Variants in HCN1 observed in about 807,000 individuals in gnomAD.
HCN1 encodes hyperpolarization activated cyclic nucleotide gated potassium channel 1, also known as potassium/sodium hyperpolarization-activated cyclic nucleotide-gated channel 1.
Under a neutral mutation model 78.9 loss-of-function variants are expected in HCN1, and 13 were observed. The observed-to-expected ratio is 0.16, with a 90% CI of 0.11 to 0.26. The LOEUF (loss-of-function observed/expected upper bound fraction) is 0.26. HCN1 is among the 10% of genes least tolerant of loss of function. The probability of loss-of-function intolerance (pLI) is 1.00; values close to 1 mark genes in which losing one functional copy is unlikely to be tolerated. For missense variants in HCN1, 810 were observed against 1,154.3 expected (o/e 0.70, Z 4.32); for synonymous variants, 552 against 455.5 (o/e 1.21, Z -2.70).
intron 2 of HCN1, among the ~76,000 whole-genome samples, chr5:45,463,399 A>AT (rs1241304250): frequency 1.1e-4 from 16 of 151,896 alleles, no homozygotes; most frequent in African/African-American, 3.1e-4. Context: ...GAGCAAAAAG[A>AT]TTTTTTTCGT....
chr5:45,355,229 T>C lies in HCN1; in HGVS notation c.1231-1983A>G, dbSNP rs76063574. ...TTTCTTATCATTTATTCATATTGTT[T>C]GAAGTTTGAATCTATATTACTATTT... is the stretch of plus-strand genomic sequence containing the variant. On this transcript the variant is annotated intron_variant, in intron 4 of 7. Coordinates refer to ENST00000303230, the MANE Select transcript of HCN1 (RefSeq NM_021072.4). 6.6e-4 allele frequency among the ~76,000 whole-genome samples: 101 copies of C among 152,190 alleles called. 1 individual carries two copies. In the East Asian group the frequency reaches 0.018, roughly 27 times the overall value.
At chr5:45,372,215 T>C (rs1747408004) in intron 4 of HCN1, among the ~76,000 whole-genome samples, 2 of 72,254 alleles carry the variant, frequency 2.8e-5, no homozygotes, top group African/African-American at 1.3e-4. Context: ...TATTATATAA[T>C]ATAATATATA....
chr5:45,649,257 A>T (rs771243937), intron 1 of HCN1, among the ~76,000 whole-genome samples: 4 of 151,878 alleles, frequency 2.6e-5, no homozygotes, highest in Non-Finnish European at 5.9e-5. Context: ...GTTTTAGTAG[A>T]CTTTATTTTT....
chr5:45,293,624 T>C (rs1308650660), intron 6 of HCN1, among the ~76,000 whole-genome samples: 1 of 152,070 alleles, frequency 6.6e-6, no homozygotes, highest in African/African-American at 2.4e-5. Context: ...CTTCTCTTTT[T>C]CTATTTTATT....
intron 2 of HCN1, 194 bp downstream of exon 2, chr5:45,644,991 C>A: frequency 3.7e-6 from 2 of 545,032 alleles, no homozygotes; most frequent in Non-Finnish European, 3.2e-6. Flanking sequence ...TTTTTCAGTT[C>A]ATTCAAATCC....
At chr5:45,382,981 A>T (rs993372413) in intron 4 of HCN1, among the ~76,000 whole-genome samples, 6 of 152,166 alleles carry the variant, frequency 3.9e-5, no homozygotes, top group Admixed American at 6.6e-5. Flanking sequence ...TAAAATGTGA[A>T]TTAATTGAGA....
At chr5:45,630,236 C>T (rs1478478391) in intron 2 of HCN1, among the ~76,000 whole-genome samples, 1 of 152,130 alleles carries the variant, frequency 6.6e-6, no homozygotes, top group Non-Finnish European at 1.5e-5. Flanking sequence ...ATACCAGTTT[C>T]AGTCATATTT....
chr5:45,350,461 C>A (rs1351855707), intron 5 of HCN1, among the ~76,000 whole-genome samples: 3 of 151,838 alleles, frequency 2.0e-5, no homozygotes, highest in Non-Finnish European at 4.4e-5. Flanking sequence ...TTGAAAACTG[C>A]CACAAGACAG....
chr5:45,685,688 G>C (rs1451058102), intron 1 of HCN1, among the ~76,000 whole-genome samples: 1 of 151,812 alleles, frequency 6.6e-6, no homozygotes, highest in Admixed American at 6.6e-5. Context: ...CTCCAGCCTG[G>C]GCAAAAAGAA....
intron 4 of HCN1, among the ~76,000 whole-genome samples, chr5:45,357,602 T>C (rs1168804261): frequency 6.6e-6 from 1 of 152,132 alleles, no homozygotes; most frequent in Non-Finnish European, 1.5e-5. Flanking sequence ...AGGCCGCTTT[T>C]ATTCTCCAAA....
At chr5:45,478,889 C>T (rs1408252539) in intron 2 of HCN1, among the ~76,000 whole-genome samples, 3 of 151,914 alleles carry the variant, frequency 2.0e-5, no homozygotes, top group Admixed American at 2.0e-4. Context: ...TTTGGGAGGC[C>T]GAGGCGGGCA....
At chr5:45,355,343 A>G (rs1304274977) in intron 4 of HCN1, among the ~76,000 whole-genome samples, 1 of 151,970 alleles carries the variant, frequency 6.6e-6, no homozygotes, top group African/African-American at 2.4e-5. Context: ...TGGTTGCCAA[A>G]CCACCAATAG....
chr5:45,283,528 A>G (rs1005562168), intron 6 of HCN1, among the ~76,000 whole-genome samples: 10 of 152,174 alleles, frequency 6.6e-5, no homozygotes, highest in African/African-American at 2.4e-4. Context: ...GCGGCCAACA[A>G]TCATATGAAA....
At chr5:45,656,282 C>G (rs990716205) in intron 1 of HCN1, among the ~76,000 whole-genome samples, 4 of 152,132 alleles carry the variant, frequency 2.6e-5, no homozygotes, top group African/African-American at 9.7e-5. Flanking sequence ...TGTGCTGCTT[C>G]CTGGGCTTGC....
intron 3 of HCN1, among the ~76,000 whole-genome samples, chr5:45,418,791 A>G (rs1267668362): frequency 1.3e-5 from 2 of 152,140 alleles, no homozygotes; most frequent in East Asian, 3.9e-4. Flanking sequence ...ATATAAATCT[A>G]TAAGCCAGTT....
chr5:45,270,825 T>C (rs940438706), intron 6 of HCN1, among the ~76,000 whole-genome samples: 2 of 152,204 alleles, frequency 1.3e-5, no homozygotes, highest in Admixed American at 6.5e-5. Context: ...CTATTCTCAG[T>C]ATGCACAGTC....
At chr5:45,373,161 ATG>A (rs1281445033) in intron 4 of HCN1, among the ~76,000 whole-genome samples, 2 of 122,508 alleles carry the variant, frequency 1.6e-5, no homozygotes, top group East Asian at 2.2e-4. Flanking sequence ...ATAAAAATAT[ATG>A]TACTTTATAA....
intron 2 of HCN1, among the ~76,000 whole-genome samples, chr5:45,636,551 G>A (rs1745359355): frequency 6.6e-6 from 1 of 152,132 alleles, no homozygotes; most frequent in African/African-American, 2.4e-5. Context: ...TTGGGGATAA[G>A]TAATGCATAA....
At chr5:45,559,914 C>G (rs1056757145) in intron 2 of HCN1, 1 of 152,136 alleles carries the variant, frequency 6.6e-6, no homozygotes, top group East Asian at 1.9e-4. Flanking sequence ...TTCCAACCTT[C>G]GGTAAACACT....
Sources: gnomAD v4.1 joint callset for allele counts (sites outside exome capture counted in the v4.1 genomes callset) on GRCh38, gnomAD v4.1.1 for gene constraint, MANE v1.5 for transcripts, NCBI Gene and HGNC (gene_info 2026-07-23, HGNC 2026-07-21) for gene names.